Variants in AKT3 observed in about 807,000 individuals in gnomAD.
AKT3 encodes the protein RAC-gamma serine/threonine-protein kinase.
In AKT3, 15 loss-of-function variants were observed where a neutral mutation model predicts 65.3. That is an observed-to-expected ratio of 0.23 (90% CI 0.15 to 0.35). The LOEUF (loss-of-function observed/expected upper bound fraction) is 0.35, where lower values mean the gene tolerates loss of function less well. Among genes scored for constraint, AKT3 ranks in the 10% least tolerant of loss-of-function variants. The probability of loss-of-function intolerance (pLI) is 1.00; values close to 1 mark genes in which losing one functional copy is unlikely to be tolerated. For missense variants in AKT3, 243 were observed against 576.5 expected (o/e 0.42, Z 5.92); for synonymous variants, 206 against 183.8 (o/e 1.12, Z -0.98).
intron 8 of AKT3, chr1:243,612,482 A>G (rs1677946014): frequency 6.6e-6 from 1 of 152,560 alleles, no homozygotes. Context: ...AAAAAATTCC[A>G]TAAAGGATAT....
chr1:243,729,766 T>C (rs1323442844), intron 2 of AKT3, among the ~76,000 whole-genome samples: 1 of 152,196 alleles, frequency 6.6e-6, no homozygotes, highest in African/African-American at 2.4e-5. Flanking sequence ...TAAGGAGACA[T>C]AAAATATTAG....
At chr1:243,775,506 C>T (rs1157067409) in intron 2 of AKT3, among the ~76,000 whole-genome samples, 1 of 152,168 alleles carries the variant, frequency 6.6e-6, no homozygotes, top group Non-Finnish European at 1.5e-5. Context: ...CTAAGTCACT[C>T]ACCCACCGGC....
At chr1:243,819,201 G>A (rs952757788) in intron 2 of AKT3, among the ~76,000 whole-genome samples, 2 of 152,234 alleles carry the variant, frequency 1.3e-5, no homozygotes, top group Non-Finnish European at 2.9e-5. Context: ...AGCTCCCCAG[G>A]GAAGGGAGAG....
chr1:243,560,284 G>A (rs1471642395), intron 10 of AKT3, among the ~76,000 whole-genome samples: 1 of 152,004 alleles, frequency 6.6e-6, no homozygotes, highest in African/African-American at 2.4e-5. Context: ...TTCTACCATC[G>A]TTGTATTCCC....
At chr1:243,565,873 T>TAATA (rs61270105) in intron 9 of AKT3, among the ~76,000 whole-genome samples, 83,550 of 151,696 alleles carry the variant, frequency 0.55, 25,091 homozygotes, top group Non-Finnish European at 0.68. Context: ...AAAATATGCT[T>TAATA]TATAAATATA....
intron 2 of AKT3, among the ~76,000 whole-genome samples, chr1:243,709,186 T>C (rs1011230737): frequency 6.6e-6 from 1 of 151,502 alleles, no homozygotes; most frequent in African/African-American, 2.4e-5. Context: ...AGTGCTAATC[T>C]TTATGTCAGA....
In AKT3 at chr1:243,739,130, G is replaced by A. The variant is rs187071367; in HGVS notation, c.47-43414C>T. Among the ~76,000 whole-genome samples, 69 of 152,172 alleles carry A rather than the reference G, an allele frequency of 4.5e-4. 1 individual carries two copies. Among genetic ancestry groups the A allele is most frequent in the African/African-American group, 1.4e-3 (59 of 41,510 alleles). On this transcript the variant is annotated intron_variant, in intron 2 of 13. Transcript: ENST00000673466. ...AGAGCCTCTGAACTGGAATCTGGCC[G>A]GAGTAGTCCAATAAGACACATAATG...
At chr1:243,850,611 CTTG>C (rs926848980), upstream of AKT3, among the ~76,000 whole-genome samples, 7 of 150,348 alleles carry the variant, frequency 4.7e-5, no homozygotes, top group East Asian at 6.0e-4. Flanking sequence ...CGCCGCGGGG[CTTG>C]TTGTTGACTT....
chr1:243,676,202 G>A (rs776295409), intron 3 of AKT3, among the ~76,000 whole-genome samples: 14 of 152,202 alleles, frequency 9.2e-5, no homozygotes, highest in Non-Finnish European at 1.6e-4. Context: ...TTAAAAGGGT[G>A]TCTCTAATGA....
chr1:243,594,788 C>A (rs1676480994), intron 8 of AKT3, among the ~76,000 whole-genome samples: 1 of 152,068 alleles, frequency 6.6e-6, no homozygotes, highest in Admixed American at 6.5e-5. Flanking sequence ...CTGTGTTGCC[C>A]AGGCTGGTCT....
At chr1:243,800,973 AG>A (rs1279216364) in intron 2 of AKT3, among the ~76,000 whole-genome samples, 1 of 152,200 alleles carries the variant, frequency 6.6e-6, no homozygotes, top group Non-Finnish European at 1.5e-5. Context: ...ATGGCTGAAT[AG>A]GTCAAAACAC....
intron 2 of AKT3, among the ~76,000 whole-genome samples, chr1:243,766,834 CA>C (rs1160065587): frequency 6.6e-6 from 1 of 152,002 alleles, no homozygotes; most frequent in East Asian, 1.9e-4. Flanking sequence ...AGCACGTGCA[CA>C]GGGGACTGAA....
At chr1:243,845,588 C>CAAAAAAAAAAAAAAA (rs10648820) in intron 1 of AKT3, among the ~76,000 whole-genome samples, 2 of 79,350 alleles carry the variant, frequency 2.5e-5, no homozygotes, top group Non-Finnish European at 4.7e-5. Context: ...GAACCTGTCT[C>CAAAAAAAAAAAAAAA]AAAAAAAAAA....
chr1:243,807,936 C>T (rs528585732), intron 2 of AKT3, among the ~76,000 whole-genome samples: 2 of 152,304 alleles, frequency 1.3e-5, no homozygotes, highest in East Asian at 3.9e-4. Flanking sequence ...CTGAAGTGGA[C>T]CTCCAGCAAA....
At chr1:243,816,387 T>C (rs567991399) in intron 2 of AKT3, among the ~76,000 whole-genome samples, 1 of 152,118 alleles carries the variant, frequency 6.6e-6, no homozygotes. Flanking sequence ...CAAAAGGGGA[T>C]AGCTGGTCAT....
intron 8 of AKT3, among the ~76,000 whole-genome samples, chr1:243,573,924 AG>A (rs1674741411): frequency 6.6e-6 from 1 of 152,180 alleles, no homozygotes. Context: ...AAGAAAGAGC[AG>A]GTTTCAGGCA....
At chr1:243,721,993 T>C (rs1250680327) in intron 2 of AKT3, among the ~76,000 whole-genome samples, 1 of 152,200 alleles carries the variant, frequency 6.6e-6, no homozygotes, top group Non-Finnish European at 1.5e-5. Flanking sequence ...AATTTCTACA[T>C]ATTATATAAC....
intron 3 of AKT3, among the ~76,000 whole-genome samples, chr1:243,684,092 CTTAT>C (rs1316911987): frequency 8.6e-5 from 13 of 151,722 alleles, no homozygotes; most frequent in South Asian, 4.2e-4. Flanking sequence ...GGTGTTAGAT[CTTAT>C]TTATTTTTTT....
intron 2 of AKT3, chr1:243,739,425 CTAAAGT>C (rs944884435): frequency 6.6e-6 from 1 of 152,036 alleles, no homozygotes; most frequent in African/African-American, 2.4e-5. Flanking sequence ...AATCAAAATA[CTAAAGT>C]TAAAGGAAAA....
Sources: allele counts gnomAD v4.1 joint callset (sites outside exome capture counted in the v4.1 genomes callset), GRCh38; gene constraint gnomAD v4.1.1; transcripts MANE v1.5; gene names NCBI Gene and HGNC (gene_info 2026-07-23, HGNC 2026-07-21).